The following GALNT18 variants were observed in gnomAD, a reference collection of about 807,000 sequenced individuals.
GALNT18 encodes polypeptide N-acetylgalactosaminyltransferase 18, also known as GalNAc-transferase 18.
In GALNT18, 44 loss-of-function variants were observed where a neutral mutation model predicts 69.5. The observed-to-expected ratio is 0.63, with a 90% CI of 0.50 to 0.81. The LOEUF is 0.81. GALNT18 is among the 40% of genes least tolerant of loss of function. The probability of loss-of-function intolerance (pLI) is 0.00; values close to 1 mark genes in which losing one functional copy is unlikely to be tolerated. For missense variants in GALNT18, 715 were observed against 810.0 expected (o/e 0.88, Z 1.42); for synonymous variants, 364 against 318.2 (o/e 1.14, Z -1.53).
At chr11:11,343,549 G>A (rs573764672) in intron 6 of GALNT18, among the ~76,000 whole-genome samples, 2 of 152,036 alleles carry the variant, frequency 1.3e-5, no homozygotes, top group South Asian at 2.1e-4. Context: ...AGAAGGTGGC[G>A]GTGAAGGCCC....
intron 10 of GALNT18, among the ~76,000 whole-genome samples, chr11:11,286,196 T>A (rs140275637): frequency 6.6e-6 from 1 of 152,348 alleles, no homozygotes; most frequent in Non-Finnish European, 1.5e-5. Context: ...CTCAACACCC[T>A]GAGATTTCAT....
intron 2 of GALNT18, among the ~76,000 whole-genome samples, chr11:11,441,160 C>T (rs1175387321): frequency 1.3e-5 from 2 of 152,190 alleles, no homozygotes; most frequent in Non-Finnish European, 2.9e-5. Context: ...AAACATTATA[C>T]TTCTATTAAT....
At chr11:11,580,516 G>A (rs1859051998) in intron 1 of GALNT18, among the ~76,000 whole-genome samples, 1 of 152,220 alleles carries the variant, frequency 6.6e-6, no homozygotes. Flanking sequence ...CAGTGCAAAT[G>A]TCTACAGTTC....
chr11:11,401,684 G>A (rs1854471118), intron 3 of GALNT18, among the ~76,000 whole-genome samples: 1 of 152,158 alleles, frequency 6.6e-6, no homozygotes, highest in Non-Finnish European at 1.5e-5. Flanking sequence ...AAATGAGAAG[G>A]GCCAGGTTGC....
rs561614906 is a variant in GALNT18 at position 11,604,196 on chromosome 11, CA to C, written c.235+17162del. On this transcript the variant is annotated intron_variant, in intron 1 of 10. Coordinates refer to ENST00000227756, the MANE Select transcript of GALNT18 (RefSeq NM_198516.3). The surrounding 1 kb of genome is among the most constrained non-coding windows in gnomAD (Gnocchi z 5.6). ...CACAGTTTATGGTATTTTGTTATAGCAGCCCAAATAGACTAAGATACCACTT... is the reference window on the plus strand; with the variant it reads ...CACAGTTTATGGTATTTTGTTATAGCGCCCAAATAGACTAAGATACCACTT... 9.1e-4 allele frequency among the ~76,000 whole-genome samples: 138 copies of C among 152,348 alleles called. 1 individual carries two copies. Among genetic ancestry groups the C allele is most frequent in the African/African-American group, 3.2e-3 (132 of 41,580 alleles).
chr11:11,591,709 T>G lies in GALNT18; in HGVS notation c.235+29650A>C, dbSNP rs1176877386. On this transcript the variant is annotated intron_variant, in intron 1 of 10. Coordinates refer to ENST00000227756, the MANE Select transcript of GALNT18 (RefSeq NM_198516.3). The surrounding 1 kb of genome is among the most constrained non-coding windows in gnomAD (Gnocchi z 4.8). ...GAGATAGTAATAGAAGTGCATTTTCTTTAGTGCCAGATGGAAATACAATGA... is the reference window on the plus strand; with the variant it reads ...GAGATAGTAATAGAAGTGCATTTTCGTTAGTGCCAGATGGAAATACAATGA... 3.9e-5 allele frequency among the ~76,000 whole-genome samples: 6 copies of G among 152,224 alleles called. No homozygotes were observed. The highest frequency in any genetic ancestry group is 7.2e-5 in the African/African-American group (3 of 41,452).
At chr11:11,510,277 A>G (rs780916796) in intron 1 of GALNT18, among the ~76,000 whole-genome samples, 2 of 152,230 alleles carry the variant, frequency 1.3e-5, no homozygotes, top group Non-Finnish European at 2.9e-5. Flanking sequence ...GCCTGGCACT[A>G]AAGTACACAA....
Position 11,318,710 on chromosome 11 carries a change from C to T in GALNT18, c.1512+8376G>A, listed in dbSNP as rs772824450. Among the ~76,000 whole-genome samples, 5 of 152,094 alleles carry T rather than the reference C, an allele frequency of 3.3e-5. No individual in the cohort carries two copies. Among genetic ancestry groups the T allele is most frequent in the Admixed American group, 1.3e-4 (2 of 15,256 alleles). ...GTCACTAGTGGCCTGGAGTGTCCCT[C>T]GACCTTCAACAAACTTTGTGAAAAG... On this transcript the variant is annotated intron_variant, in intron 9 of 10. Coordinates refer to ENST00000227756, the MANE Select transcript of GALNT18 (RefSeq NM_198516.3). The surrounding 1 kb of genome is among the most constrained non-coding windows in gnomAD (Gnocchi z 5.1).
At chr11:11,473,815 A>G (rs1856327394) in intron 1 of GALNT18, among the ~76,000 whole-genome samples, 1 of 152,270 alleles carries the variant, frequency 6.6e-6, no homozygotes, top group African/African-American at 2.4e-5. Flanking sequence ...CTGTAATCCC[A>G]GCACTTTGTG....
chr11:11,517,969 G>A (rs1200443565), intron 1 of GALNT18, among the ~76,000 whole-genome samples: 1 of 152,242 alleles, frequency 6.6e-6, no homozygotes, highest in African/African-American at 2.4e-5. Context: ...CCTGGGAAAA[G>A]TAGGCTTTCT....
rs140091683 is a variant in GALNT18, at chr11:11,435,553, C to A, written c.429-2766G>T. Among the ~76,000 whole-genome samples, 27 of 152,286 alleles carry A rather than the reference C, an allele frequency of 1.8e-4. 1 individual carries two copies. Among genetic ancestry groups the A allele is most frequent in the Admixed American group, 3.3e-4 (5 of 15,304 alleles). On this transcript the variant is annotated intron_variant, in intron 2 of 10. Coordinates refer to ENST00000227756, the MANE Select transcript of GALNT18 (RefSeq NM_198516.3). This position sits in a 1 kb window ranked among gnomAD's most constrained non-coding sequence, Gnocchi z 4.4. The stretch of plus-strand genomic sequence containing the variant: ...ATTCGAACCTGTTTATTGTCTGCCC[C>A]TCTCTACTAGAATGAAGCCCCCTGA...
rs1249656420 is a variant in GALNT18, at chr11:11,601,757, A to G, written c.235+19602T>C. 6.6e-6 allele frequency among the ~76,000 whole-genome samples: 1 copy of G among 152,204 alleles called. No homozygotes were observed. Among genetic ancestry groups the G allele is most frequent in the African/African-American group, 2.4e-5 (1 of 41,454 alleles). On this transcript the variant is annotated intron_variant, in intron 1 of 10. Transcript: ENST00000227756. The surrounding 1 kb of genome is among the most constrained non-coding windows in gnomAD (Gnocchi z 4.0). ...CTTAACATCATCAATAGATTCTTGG[A>G]AACTGTGACTTTAAGCAAAATATAA... is the stretch of plus-strand genomic sequence containing the variant.
At chr11:11,291,290 C>G (rs17349249) in intron 10 of GALNT18, among the ~76,000 whole-genome samples, 2 of 151,780 alleles carry the variant, frequency 1.3e-5, no homozygotes, top group South Asian at 4.2e-4. Context: ...TGGCCACTTC[C>G]GACATAGCTT....
intron 2 of GALNT18, among the ~76,000 whole-genome samples, chr11:11,447,955 A>T (rs1242300481): frequency 1.3e-5 from 2 of 152,198 alleles, no homozygotes; most frequent in African/African-American, 4.8e-5. Flanking sequence ...CCCTTTGGAC[A>T]TCCTCAGCTG....
chr11:11,548,802 T>C (rs1386138891), intron 1 of GALNT18, among the ~76,000 whole-genome samples: 1 of 152,258 alleles, frequency 6.6e-6, no homozygotes, highest in East Asian at 1.9e-4. Flanking sequence ...CAGATCTCTA[T>C]GCTGATGGCA....
chr11:11,282,765 ATT>A (rs1170296248), intron 10 of GALNT18, among the ~76,000 whole-genome samples: 1 of 152,196 alleles, frequency 6.6e-6, no homozygotes, highest in African/African-American at 2.4e-5. Flanking sequence ...TTCAACACAT[ATT>A]TAATGAGCAC....
intron 9 of GALNT18, among the ~76,000 whole-genome samples, chr11:11,306,805 G>A (rs548380696): frequency 6.7e-6 from 1 of 149,650 alleles, no homozygotes; most frequent in Non-Finnish European, 1.5e-5. Context: ...ATGTGACTGC[G>A]CAGCTCTTCC....
intron 3 of GALNT18, among the ~76,000 whole-genome samples, chr11:11,410,673 A>G (rs1479490117): frequency 6.6e-6 from 1 of 152,180 alleles, no homozygotes; most frequent in Non-Finnish European, 1.5e-5. Context: ...GCTGCAGATA[A>G]TATGCACACT....
Position 11,435,279 on chromosome 11 carries a change from G to A in GALNT18, c.429-2492C>T, listed in dbSNP as rs1051186450. On this transcript the variant is annotated intron_variant, in intron 2 of 10. Transcript: ENST00000227756. This position sits in a 1 kb window ranked among gnomAD's most constrained non-coding sequence, Gnocchi z 4.4. ...CTCTCTTCCCTTCTTACTTCTGAAC[G>A]TGGTGCCCAGTCTCCCCCTTCTGAG... 3.9e-5 allele frequency among the ~76,000 whole-genome samples: 6 copies of A among 152,110 alleles called. No homozygotes were observed. The highest frequency in any genetic ancestry group is 2.0e-4 in the Admixed American group (3 of 15,286).
Sources: gnomAD v4.1 joint callset for allele counts (sites outside exome capture counted in the v4.1 genomes callset) on GRCh38, gnomAD v4.1.1 for gene constraint, Gnocchi (gnomAD v3.1) non-coding constraint, MANE v1.5 for transcripts, NCBI Gene and HGNC (gene_info 2026-07-23, HGNC 2026-07-21) for gene names.